ZPBP: variants seen among roughly 807,000 people sequenced by gnomAD.
ZPBP encodes zona pellucida-binding protein 1.
Under a neutral mutation model 44.8 loss-of-function variants are expected in ZPBP, and 26 were observed. The ratio of observed to expected loss-of-function variants is 0.58; its 90% CI spans 0.43 to 0.81. The LOEUF (loss-of-function observed/expected upper bound fraction) is 0.81, where lower values mean the gene tolerates loss of function less well. ZPBP is among the 30% of genes least tolerant of loss of function. ZPBP has a pLI of 0.00. For missense variants in ZPBP, 409 were observed against 434.0 expected, an observed-to-expected ratio of 0.94 and a Z score of 0.51; for synonymous variants, 174 against 153.2, an observed-to-expected ratio of 1.14 and a Z score of -1.00.
chr7:50,070,892 A>G (rs1350889700), intron 3 of ZPBP, among the ~76,000 whole-genome samples: 5 of 152,226 alleles, frequency 3.3e-5, no homozygotes, highest in Non-Finnish European at 7.3e-5. Context: ...CTGCACAGCT[A>G]GAAAAACAGG....
At chr7:49,987,401 G>A (rs1471022087) in intron 6 of ZPBP, among the ~76,000 whole-genome samples, 1 of 152,084 alleles carries the variant, frequency 6.6e-6, no homozygotes, top group Admixed American at 6.6e-5. Context: ...ATGGGTGCAT[G>A]AGAGGCCCCA....
chr7:50,073,734 G>A (rs1388176042), intron 3 of ZPBP, among the ~76,000 whole-genome samples: 2 of 152,088 alleles, frequency 1.3e-5, no homozygotes, highest in African/African-American at 4.8e-5. Context: ...TACAGGCCAG[G>A]AGAGAGTGGC....
At chr7:49,952,886 G>A (rs1795408643) in intron 7 of ZPBP, among the ~76,000 whole-genome samples, 1 of 151,884 alleles carries the variant, frequency 6.6e-6, no homozygotes, top group Non-Finnish European at 1.5e-5. Flanking sequence ...TTAGCCTGAA[G>A]AGATCTATTA....
chr7:49,917,918 A>G (rs1343459019), intron 1 of ZPBP: 1 of 152,026 alleles, frequency 6.6e-6, no homozygotes, highest in East Asian at 1.9e-4. Context: ...TTTCATTTCT[A>G]TTAGTTTTCA....
In ZPBP at chr7:50,083,397, G is replaced by T. The variant is rs1449994183; in HGVS notation, c.209-1498C>A. Among the ~76,000 whole-genome samples the T allele has an allele frequency of 1.3e-5, 2 of 151,902 alleles. 1 individual carries two copies. Among genetic ancestry groups the T allele is most frequent in the Non-Finnish European group, 2.9e-5 (2 of 67,920 alleles). On this transcript the variant is annotated intron_variant, in intron 2 of 7. Coordinates refer to ENST00000046087, the MANE Select transcript of ZPBP (RefSeq NM_007009.3). ...AATTAGACCAAAATGCCATAATCAT[G>T]ACTGCATACACATAACTTTAAAGAT...
intron 7 of ZPBP, among the ~76,000 whole-genome samples, chr7:49,971,382 AAG>A (rs1796299916): frequency 6.6e-6 from 1 of 152,148 alleles, no homozygotes; most frequent in South Asian, 2.1e-4. Context: ...CTAAAAATGA[AAG>A]AGAGGACCCA....
chr7:50,032,881 C>T (rs965883455), intron 4 of ZPBP, among the ~76,000 whole-genome samples: 5 of 152,138 alleles, frequency 3.3e-5, no homozygotes, highest in African/African-American at 9.7e-5. Flanking sequence ...ACTTTAAATA[C>T]ACTTAAGTAC....
At chr7:50,041,583 C>G (rs775373622) in intron 4 of ZPBP, among the ~76,000 whole-genome samples, 3 of 152,172 alleles carry the variant, frequency 2.0e-5, no homozygotes, top group Non-Finnish European at 4.4e-5. Context: ...AGAAGGAAAA[C>G]TAACAAACAG....
intron 3 of ZPBP, among the ~76,000 whole-genome samples, chr7:50,074,555 G>T (rs974809914): frequency 1.3e-5 from 2 of 151,806 alleles, no homozygotes; most frequent in African/African-American, 4.8e-5. Context: ...CACATAGGCT[G>T]AAAATAAAGG....
intron 7 of ZPBP, among the ~76,000 whole-genome samples, chr7:49,979,642 A>G (rs376248908): frequency 2.6e-5 from 4 of 151,274 alleles, no homozygotes; most frequent in African/African-American, 9.7e-5. Flanking sequence ...CACTTGAAAG[A>G]GCTATGTTTG....
intron 1 of ZPBP, among the ~76,000 whole-genome samples, chr7:50,092,341 C>A (rs1054749368): frequency 6.6e-6 from 1 of 152,144 alleles, no homozygotes; most frequent in Non-Finnish European, 1.5e-5. Context: ...TTCTCCTCCC[C>A]TATCCCCTAC....
At chr7:50,066,700 C>T (rs1584157486) in intron 3 of ZPBP, among the ~76,000 whole-genome samples, 1 of 152,114 alleles carries the variant, frequency 6.6e-6, no homozygotes, top group South Asian at 2.1e-4. Context: ...TTTACTTATC[C>T]AGAGATGGTC....
intron 7 of ZPBP, among the ~76,000 whole-genome samples, chr7:49,962,979 C>T (rs992355450): frequency 2.0e-5 from 3 of 150,980 alleles, no homozygotes; most frequent in South Asian, 4.2e-4. Context: ...CATAGAGAGA[C>T]CTGTTTCCAA....
At chr7:50,011,052 T>C (rs1157912501) in intron 6 of ZPBP, among the ~76,000 whole-genome samples, 1 of 150,194 alleles carries the variant, frequency 6.7e-6, no homozygotes, top group East Asian at 2.0e-4. Context: ...AACCCAGAAA[T>C]AAAGCCAAAT....
chr7:49,981,710 ATT>A (rs1796983505), intron 7 of ZPBP, among the ~76,000 whole-genome samples: 1 of 95,026 alleles, frequency 1.1e-5, no homozygotes, highest in African/African-American at 4.4e-5. Context: ...TATATAATAT[ATT>A]ATATATAATA....
rs186775218 is a variant in ZPBP at position 50,042,705 on chromosome 7, T to C, written c.488-11395A>G. Among the ~76,000 whole-genome samples the C allele has an allele frequency of 2.8e-3, 425 of 152,292 alleles. 3 individuals are homozygous for C. The highest frequency in any genetic ancestry group is 9.4e-3 in the African/African-American group (392 of 41,560). On this transcript the variant is annotated intron_variant, in intron 4 of 7. Coordinates refer to ENST00000046087, the MANE Select transcript of ZPBP (RefSeq NM_007009.3). ...GAAAGGAAAAACTGTTACCAGCCAC[T>C]GCAAAAACATACCAAATTGTAAAGA...
intron 2 of ZPBP, among the ~76,000 whole-genome samples, chr7:50,084,122 T>C (rs1371736767): frequency 6.6e-6 from 1 of 151,810 alleles, no homozygotes; most frequent in East Asian, 1.9e-4. Context: ...AAAGAATGGG[T>C]AGAGGCAACT....
rs752254118 is a variant in ZPBP at position 50,059,837 on chromosome 7, ATT to A, written c.335-1698_335-1697del. 2.0e-5 allele frequency among the ~76,000 whole-genome samples: 3 copies of A among 152,144 alleles called. 1 individual carries two copies. Among genetic ancestry groups the A allele is most frequent in the African/African-American group, 4.8e-5 (2 of 41,428 alleles). ...TAAAATGCCCCCTGACTGCCTTCTT[ATT>A]TAAAAAATGTTTAAGTAGATCTAAA... On this transcript the variant is annotated intron_variant, in intron 3 of 7. Coordinates refer to ENST00000046087, the MANE Select transcript of ZPBP (RefSeq NM_007009.3).
At chr7:50,016,871 G>C (rs1798843088) in intron 6 of ZPBP, among the ~76,000 whole-genome samples, 1 of 152,092 alleles carries the variant, frequency 6.6e-6, no homozygotes, top group Admixed American at 6.6e-5. Context: ...CTTATTTCAA[G>C]AGTTAAAAAG....
Sources: allele counts gnomAD v4.1 joint callset (sites outside exome capture counted in the v4.1 genomes callset), GRCh38; gene constraint gnomAD v4.1.1; transcripts MANE v1.5; gene names NCBI Gene and HGNC (gene_info 2026-07-23, HGNC 2026-07-21).